The following ABTB3 variants were observed in gnomAD, a reference collection of about 807,000 sequenced individuals.
The protein encoded by ABTB3 is ankyrin repeat and BTB domain containing 3.
At chr12:107,456,758 T>C in the ABTB3 span, among the ~76,000 whole-genome samples, 1 of 152,118 alleles carries the variant, frequency 6.6e-6, no homozygotes, top group South Asian at 2.1e-4. Context: ...TGATGTAACT[T>C]GCTCAAGGTC....
At chr12:107,356,681 C>T in the ABTB3 span, among the ~76,000 whole-genome samples, 12 of 152,208 alleles carry the variant, frequency 7.9e-5, no homozygotes, top group Non-Finnish European at 1.3e-4. Context: ...TCCTTCTTTT[C>T]CAGCTTTCTC....
the ABTB3 span, chr12:107,520,705 A>C: frequency 6.3e-7 from 1 of 1,580,180 alleles, no homozygotes; most frequent in Non-Finnish European, 8.6e-7. Flanking sequence ...AAGTGACACA[A>C]TGTCCTCATG....
chr12:107,484,861 G>A, the ABTB3 span, among the ~76,000 whole-genome samples: 18 of 152,244 alleles, frequency 1.2e-4, no homozygotes, highest in African/African-American at 4.1e-4. Context: ...CTGACTTCAG[G>A]GTTTTTGGCC....
chr12:107,511,942 TA>T, the ABTB3 span, among the ~76,000 whole-genome samples: 18 of 152,292 alleles, frequency 1.2e-4, no homozygotes, highest in African/African-American at 3.9e-4. Flanking sequence ...AAAGCTTTTT[TA>T]AACTCTGGTC....
At chr12:107,498,255 G>A in the ABTB3 span, among the ~76,000 whole-genome samples, 3 of 152,212 alleles carry the variant, frequency 2.0e-5, no homozygotes, top group Non-Finnish European at 4.4e-5. Flanking sequence ...AAAGGCCGAG[G>A]AAGGTGTCTT....
the ABTB3 span, among the ~76,000 whole-genome samples, chr12:107,389,783 T>C: frequency 2.0e-5 from 3 of 151,102 alleles, no homozygotes; most frequent in African/African-American, 4.9e-5. Flanking sequence ...AAATGTCTGG[T>C]GCCTTGGTGG....
the ABTB3 span, among the ~76,000 whole-genome samples, chr12:107,458,467 A>T: frequency 6.6e-6 from 1 of 152,128 alleles, no homozygotes; most frequent in South Asian, 2.1e-4. Context: ...GACAAGACAG[A>T]ATCTAGGGGG....
chr12:107,610,193 C>G, the ABTB3 span: 5 of 1,614,036 alleles, frequency 3.1e-6, no homozygotes, highest in African/African-American at 2.7e-5. Context: ...TCCTTAGGGC[C>G]GACGACTGCT....
At chr12:107,478,641 C>T in the ABTB3 span, among the ~76,000 whole-genome samples, 1 of 152,176 alleles carries the variant, frequency 6.6e-6, no homozygotes, top group Non-Finnish European at 1.5e-5. Context: ...TCAGAAAGGA[C>T]TGGATCTTAG....
chr12:107,425,484 G>T, the ABTB3 span, among the ~76,000 whole-genome samples: 1 of 152,126 alleles, frequency 6.6e-6, no homozygotes, highest in Non-Finnish European at 1.5e-5. Context: ...CCTTAAAAGG[G>T]TTAATTTTTG....
chr12:107,578,753 G>A, the ABTB3 span, among the ~76,000 whole-genome samples: 29 of 152,164 alleles, frequency 1.9e-4, no homozygotes, highest in Non-Finnish European at 3.4e-4. Flanking sequence ...TTTAGGTGAT[G>A]GAGAGAATGG....
At chr12:107,569,573 G>T in the ABTB3 span, among the ~76,000 whole-genome samples, 1 of 152,184 alleles carries the variant, frequency 6.6e-6, no homozygotes, top group Non-Finnish European at 1.5e-5. Context: ...TTTACAACAA[G>T]TTCATAGTGT....
At chr12:107,607,780 T>C in the ABTB3 span, among the ~76,000 whole-genome samples, 1 of 152,174 alleles carries the variant, frequency 6.6e-6, no homozygotes, top group Non-Finnish European at 1.5e-5. Flanking sequence ...CGGAATAGTT[T>C]TCAGACCAAG....
chr12:107,610,384 C>A, the ABTB3 span: 7 of 1,608,712 alleles, frequency 4.4e-6, no homozygotes, highest in Non-Finnish European at 6.0e-6. Flanking sequence ...TGAACAGGCT[C>A]CCCACCTCCT....
At chr12:107,453,373 G>C in the ABTB3 span, among the ~76,000 whole-genome samples, 1 of 152,180 alleles carries the variant, frequency 6.6e-6, no homozygotes, top group Non-Finnish European at 1.5e-5. Flanking sequence ...GGGGCCTTTG[G>C]GGGTGATGAG....
chr12:107,499,658 G>A, the ABTB3 span, among the ~76,000 whole-genome samples: 4 of 151,480 alleles, frequency 2.6e-5, no homozygotes, highest in African/African-American at 4.9e-5. Context: ...CGGCAAGAGG[G>A]GGCAGGGGGA....
the ABTB3 span, among the ~76,000 whole-genome samples, chr12:107,572,147 T>G: frequency 6.6e-6 from 1 of 152,078 alleles, no homozygotes; most frequent in Non-Finnish European, 1.5e-5. Context: ...ATCACAAGTA[T>G]CCTTATAAGA....
the ABTB3 span, among the ~76,000 whole-genome samples, chr12:107,611,958 C>T: frequency 6.6e-6 from 1 of 152,152 alleles, no homozygotes; most frequent in African/African-American, 2.4e-5. Flanking sequence ...GTCCCCAAGG[C>T]TGTAATGTTT....
At chr12:107,469,944 CTT>C in the ABTB3 span, among the ~76,000 whole-genome samples, 221 of 35,270 alleles carry the variant, frequency 6.3e-3, 2 homozygotes, top group African/African-American at 0.019. Flanking sequence ...CTTTCTTTCT[CTT>C]TCTTTCTTTC....
Sources: gnomAD v4.1 joint callset for allele counts (sites outside exome capture counted in the v4.1 genomes callset) on GRCh38, gnomAD v4.1.1 for gene constraint, MANE v1.5 for transcripts, NCBI Gene and HGNC (gene_info 2026-07-23, HGNC 2026-07-21) for gene names.